OMA1: variants seen among roughly 807,000 people sequenced by gnomAD.
The protein encoded by OMA1 is metalloendopeptidase OMA1, mitochondrial.
A neutral mutation model predicts 30.9 loss-of-function variants in OMA1; 38 were observed. That is an observed-to-expected ratio of 1.23 (90% CI 0.95 to 1.61). OMA1 has a LOEUF of 1.61. OMA1 is among the 40% of genes most tolerant of loss of function. The pLI, the probability that OMA1 is intolerant of heterozygous loss-of-function variation, is 0.00. For missense variants in OMA1, 461 were observed against 349.2 expected (o/e 1.32, Z -2.55); for synonymous variants, 173 against 121.9 (o/e 1.42, Z -2.76).
At chr1:58,516,341 C>T (rs1022948239) in intron 7 of OMA1, among the ~76,000 whole-genome samples, 7 of 152,156 alleles carry the variant, frequency 4.6e-5, no homozygotes, top group African/African-American at 1.2e-4. Context: ...AAAGTCATTT[C>T]TATAATGACT....
intron 8 of OMA1, among the ~76,000 whole-genome samples, chr1:58,495,392 A>C (rs947573812): frequency 6.6e-6 from 1 of 152,180 alleles, no homozygotes; most frequent in African/African-American, 2.4e-5. Context: ...CATGTTGTGC[A>C]CATGTACCCT....
chr1:58,481,133 A>G lies in OMA1; in HGVS notation c.1407T>C (p.Ser469=), dbSNP rs1645474437. The change falls in exon 9 of 9, where the codon TCT becomes TCC. Residue 469 remains serine, a synonymous_variant. Transcript: ENST00000371226. ...IREMCNCPPL[S]NPDPRLLFKL... The stretch of plus-strand genomic sequence containing the variant: ...TGAATAGTAATCGAGGGTCTGGATT[A>G]GACAGTGGTGGACAATTACACATCT... 3.4e-6 allele frequency: 3 copies of G among 870,420 alleles called. No homozygotes were observed. Among genetic ancestry groups the G allele is most frequent in the East Asian group, 2.4e-5 (1 of 41,554 alleles). The allele number at this position is 870,420 out of a possible 1,614,324, so 53.9% of individuals were successfully genotyped here.
chr1:58,502,777 G>A (rs1645926926), intron 8 of OMA1, among the ~76,000 whole-genome samples: 1 of 152,092 alleles, frequency 6.6e-6, no homozygotes, highest in African/African-American at 2.4e-5. Context: ...TGTACTATCA[G>A]TTTCACTTCA....
chr1:58,487,092 T>G (rs553439153), intron 8 of OMA1, among the ~76,000 whole-genome samples: 1 of 152,260 alleles, frequency 6.6e-6, no homozygotes, highest in African/African-American at 2.4e-5. Flanking sequence ...AGGTGAAACG[T>G]GACATCGTGA....
At chr1:58,543,626 C>T (rs891008838) in intron 1 of OMA1, among the ~76,000 whole-genome samples, 6 of 152,246 alleles carry the variant, frequency 3.9e-5, no homozygotes, top group Middle Eastern at 3.4e-3. Flanking sequence ...AATCCTACCC[C>T]GACAATTAAC....
chr1:58,530,396 A>G (rs1646416263), intron 6 of OMA1, among the ~76,000 whole-genome samples: 1 of 152,206 alleles, frequency 6.6e-6, no homozygotes, highest in African/African-American at 2.4e-5. Flanking sequence ...CTCCATACCC[A>G]TCATTTGAGA....
chr1:58,504,089 T>A (rs369252083), intron 8 of OMA1, among the ~76,000 whole-genome samples: 2 of 152,170 alleles, frequency 1.3e-5, no homozygotes, highest in Non-Finnish European at 2.9e-5. Flanking sequence ...ACTAGTCTAC[T>A]CCACACAATA....
chr1:58,492,222 C>A (rs1266351216), intron 8 of OMA1, among the ~76,000 whole-genome samples: 5 of 151,990 alleles, frequency 3.3e-5, no homozygotes, highest in Non-Finnish European at 5.9e-5. Flanking sequence ...CCAACGAGAA[C>A]AAAGACACAA....
At position 58,496,859 on chromosome 1, in the gene OMA1, A is replaced by G. The variant is rs543107172; in HGVS notation, c.1365+9201T>C. ...CTACATAGATTTCTCGTGAAGACAC[A>G]TTTCTCAGGTTGTTTGAAAACTGAT... is the stretch of plus-strand genomic sequence containing the variant. On this transcript the variant is annotated intron_variant, in intron 8 of 8. Transcript: ENST00000371226. 8.5e-5 allele frequency among the ~76,000 whole-genome samples: 13 copies of G among 152,258 alleles called. No individual in the cohort carries two copies. In the South Asian group the frequency reaches 2.7e-3, roughly 32 times the overall value.
chr1:58,504,459 T>G lies in OMA1; in HGVS notation c.1365+1601A>C, dbSNP rs115242622. On this transcript the variant is annotated intron_variant, in intron 8 of 8. Coordinates refer to ENST00000371226, the MANE Select transcript of OMA1 (RefSeq NM_145243.5). ...TGAGGCCTTCCTTGACAACCGAACA[T>G]AGACTAGTACCCCTTCTCTGCTGCC... Among the ~76,000 whole-genome samples the G allele has an allele frequency of 8.0e-3, 1,213 of 152,312 alleles. 14 individuals carry two copies. Among genetic ancestry groups the G allele is most frequent in the African/African-American group, 0.027 (1,126 of 41,576 alleles).
intron 6 of OMA1, 142 bp downstream of exon 6, chr1:58,530,459 C>T (rs535670224): frequency 5.1e-5 from 27 of 531,480 alleles, no homozygotes; most frequent in South Asian, 4.1e-4. Context: ...CCCCTAAAAA[C>T]GAGAAAACAT....
intron 6 of OMA1, among the ~76,000 whole-genome samples, chr1:58,528,141 C>A (rs558999612): frequency 1.7e-4 from 26 of 152,306 alleles, no homozygotes; most frequent in African/African-American, 6.0e-4. Context: ...CCTTTTCAAT[C>A]AGTCTGTTTT....
At chr1:58,502,504 C>T (rs1645922395) in intron 8 of OMA1, among the ~76,000 whole-genome samples, 1 of 152,206 alleles carries the variant, frequency 6.6e-6, no homozygotes, top group Non-Finnish European at 1.5e-5. Flanking sequence ...GCTGTATTCT[C>T]AACTGCCTTT....
At chr1:58,534,893 G>A (rs536468532) in intron 3 of OMA1, among the ~76,000 whole-genome samples, 7 of 152,228 alleles carry the variant, frequency 4.6e-5, no homozygotes, top group South Asian at 4.1e-4. Context: ...CTGAGATCTC[G>A]CCACTGCACT....
chr1:58,484,836 A>G (rs144361512), intron 8 of OMA1, among the ~76,000 whole-genome samples: 2 of 152,274 alleles, frequency 1.3e-5, no homozygotes, highest in East Asian at 1.9e-4. Flanking sequence ...TTCCAACTAT[A>G]TGATATTCTG....
chr1:58,543,404 C>T (rs545726571), intron 1 of OMA1, among the ~76,000 whole-genome samples: 1 of 152,196 alleles, frequency 6.6e-6, no homozygotes, highest in Non-Finnish European at 1.5e-5. Context: ...GCAACTTTAG[C>T]ATCCAAAATA....
intron 8 of OMA1, among the ~76,000 whole-genome samples, chr1:58,502,040 G>A (rs1330261333): frequency 6.6e-6 from 1 of 151,918 alleles, no homozygotes; most frequent in African/African-American, 2.4e-5. Flanking sequence ...CTACAACCTG[G>A]CATATAACAG....
chr1:58,484,020 A>C (rs1645533343), intron 8 of OMA1, among the ~76,000 whole-genome samples: 2 of 152,216 alleles, frequency 1.3e-5, no homozygotes, highest in African/African-American at 4.8e-5. Context: ...AGAGAGGAAT[A>C]GGATGCCATC....
intron 8 of OMA1, among the ~76,000 whole-genome samples, chr1:58,500,992 T>C (rs1422122420): frequency 6.6e-6 from 1 of 152,218 alleles, no homozygotes; most frequent in South Asian, 2.1e-4. Flanking sequence ...AAAACTGTCA[T>C]ACTATTAAAC....
Sources: gnomAD v4.1 joint callset for allele counts (sites outside exome capture counted in the v4.1 genomes callset) on GRCh38, gnomAD v4.1.1 for gene constraint, MANE v1.5 for transcripts, NCBI Gene and HGNC (gene_info 2026-07-23, HGNC 2026-07-21) for gene names.